Variants in TMEM184B observed in about 807,000 individuals in gnomAD.
TMEM184B encodes the protein putative MAPK-activating protein FM08.
TMEM184B carries 17 observed loss-of-function variants against 41.8 expected under a neutral mutation model. The observed-to-expected ratio is 0.41, with a 90% CI of 0.28 to 0.61. TMEM184B has a LOEUF of 0.61. TMEM184B is among the 20% of genes least tolerant of loss of function. The probability of loss-of-function intolerance (pLI) is 0.34; values close to 1 mark genes in which losing one functional copy is unlikely to be tolerated. For synonymous variants in TMEM184B, 240 were observed against 229.5 expected (o/e 1.05, Z -0.41); for missense variants, 393 against 557.8 (o/e 0.70, Z 2.98).
chr22:38,255,989 T>C (rs561151363), intron 1 of TMEM184B, among the ~76,000 whole-genome samples: 1 of 151,992 alleles, frequency 6.6e-6, no homozygotes, highest in African/African-American at 2.4e-5. Flanking sequence ...TGTGATAAAA[T>C]TGAAGAGAAC....
chr22:38,231,090 A>G (rs559335980), intron 4 of TMEM184B, among the ~76,000 whole-genome samples, 154 bp downstream of exon 4: 1 of 152,342 alleles, frequency 6.6e-6, no homozygotes, highest in African/African-American at 2.4e-5. Flanking sequence ...TAAAACGCCC[A>G]GAAGAATGGC....
chr22:38,231,768 G>A, intron 3 of TMEM184B: 1 of 354,250 alleles, frequency 2.8e-6, no homozygotes, highest in Non-Finnish European at 5.5e-6. Flanking sequence ...GCTGCGGCAG[G>A]AGGACGTCTT....
chr22:38,243,048 CA>C (rs11394732), intron 3 of TMEM184B, among the ~76,000 whole-genome samples: 124 of 84,512 alleles, frequency 1.5e-3, no homozygotes, highest in Middle Eastern at 5.7e-3. Context: ...GCAACGGTCT[CA>C]AAAAAAAAAA....
At position 38,221,239 on chromosome 22, in the gene TMEM184B, C is replaced by T; in HGVS notation, c.*230G>A. 7.2e-7 allele frequency: 1 copy of T among 1,396,130 alleles called. No homozygotes were observed. Among genetic ancestry groups the T allele is most frequent in the Non-Finnish European group, 9.3e-7 (1 of 1,078,882 alleles). 86.5% of individuals were successfully genotyped at this position (1,396,130 alleles called of 1,614,324 possible). ...AAGCCTTGCTCCCAGTGTCCTCTGC[C>T]CTCGCCCGGGCAGTGCAGGCTGGGC... On this transcript the variant is annotated 3_prime_UTR_variant, in exon 9 of 9. Coordinates refer to ENST00000361906, the MANE Select transcript of TMEM184B (RefSeq NM_012264.5).
rs191152078 is a variant in TMEM184B, at chr22:38,225,229, G to A, written c.787+195C>T. ...TCCTGGGCCCTCTCATCCATGTAGC[G>A]GCCCCACCAAAGCTCTCCCTAGCCC... On this transcript the variant is annotated intron_variant, in intron 7 of 8. Transcript: ENST00000361906. This position sits in a 1 kb window ranked among gnomAD's most constrained non-coding sequence, Gnocchi z 4.4. Among the ~76,000 whole-genome samples, 14 of 152,212 alleles carry A rather than the reference G, an allele frequency of 9.2e-5. No homozygotes were observed. Among genetic ancestry groups the A allele is most frequent in the South Asian group, 2.1e-4 (1 of 4,822 alleles).
At chr22:38,234,189 T>C (rs1016523760) in intron 3 of TMEM184B, among the ~76,000 whole-genome samples, 17 of 152,278 alleles carry the variant, frequency 1.1e-4, no homozygotes, top group Non-Finnish European at 2.2e-4. Flanking sequence ...AAAGTGATGT[T>C]TTGTGACATC....
Position 38,220,934 on chromosome 22 carries a change from G to C in TMEM184B, c.*535C>G, listed in dbSNP as rs1254861378. 4.4e-5 allele frequency: 43 copies of C among 988,000 alleles called. No individual in the cohort carries two copies. The highest frequency in any genetic ancestry group is 5.1e-5 in the Non-Finnish European group (42 of 831,546). 61.2% of individuals were successfully genotyped at this position (988,000 alleles called of 1,614,324 possible). On this transcript the variant is annotated 3_prime_UTR_variant, in exon 9 of 9. Coordinates refer to ENST00000361906, the MANE Select transcript of TMEM184B (RefSeq NM_012264.5). Reference sequence around the variant, plus strand: ...CATGCCACAGAGGCCTGGGTCAGGAGGGGAGGACCACAGAGCGCCCACATC... The same window carrying C: ...CATGCCACAGAGGCCTGGGTCAGGACGGGAGGACCACAGAGCGCCCACATC...
chr22:38,219,260 G>A, downstream of TMEM184B: 9 of 985,500 alleles, frequency 9.1e-6, no homozygotes, highest in Non-Finnish European at 1.1e-5. Context: ...AGGGGGCAGG[G>A]AGGAGGAAGG....
intron 1 of TMEM184B, among the ~76,000 whole-genome samples, chr22:38,264,736 C>A (rs907341591): frequency 1.3e-5 from 2 of 152,156 alleles, no homozygotes; most frequent in Admixed American, 6.5e-5. Flanking sequence ...GGCCTTTCTC[C>A]CACTTCCACA....
intron 1 of TMEM184B, among the ~76,000 whole-genome samples, chr22:38,264,281 C>T (rs2145776540): frequency 6.6e-6 from 1 of 152,322 alleles, no homozygotes; most frequent in African/African-American, 2.4e-5. Flanking sequence ...CACTTGGCCC[C>T]TTGACCCTTC....
chr22:38,227,720 C>T (rs575311112), intron 5 of TMEM184B, among the ~76,000 whole-genome samples: 9 of 152,232 alleles, frequency 5.9e-5, no homozygotes, highest in African/African-American at 1.9e-4. Context: ...TGTAGTCACT[C>T]CCCACACCAC....
chr22:38,260,537 C>T (rs976996991), intron 1 of TMEM184B, among the ~76,000 whole-genome samples: 4 of 152,198 alleles, frequency 2.6e-5, no homozygotes, highest in Admixed American at 2.0e-4. Context: ...ACCACCTAGA[C>T]CTGACCTCCA....
At chr22:38,242,391 T>C (rs1008087347) in intron 3 of TMEM184B, among the ~76,000 whole-genome samples, 6 of 151,778 alleles carry the variant, frequency 4.0e-5, no homozygotes, top group African/African-American at 1.5e-4. Flanking sequence ...GGCAGGAGAA[T>C]TGCTTGAACC....
chr22:38,241,414 G>A (rs2091903160), intron 3 of TMEM184B, among the ~76,000 whole-genome samples: 1 of 151,984 alleles, frequency 6.6e-6, no homozygotes, highest in Non-Finnish European at 1.5e-5. Flanking sequence ...TGCATTGGAT[G>A]CAGTGGCTCA....
intron 1 of TMEM184B, among the ~76,000 whole-genome samples, chr22:38,260,406 G>C (rs2092353235): frequency 1.3e-5 from 2 of 152,134 alleles, no homozygotes; most frequent in Non-Finnish European, 2.9e-5. Context: ...GCAGCAGCAA[G>C]CAGCTTGCAG....
intron 3 of TMEM184B, among the ~76,000 whole-genome samples, chr22:38,240,154 A>T (rs2091871604): frequency 6.6e-6 from 1 of 152,118 alleles, no homozygotes; most frequent in African/African-American, 2.4e-5. Flanking sequence ...AGCGCTTCTA[A>T]CAAGAAGGTC....
In TMEM184B at chr22:38,226,076, CTTTTTTT is replaced by C. The variant is rs35956053; in HGVS notation, c.618-490_618-484del. ...AAGCACAGGGCTAGACACATGGTCA[CTTTTTTT>C]TTTTTTTTTTTTAGATATGGAGTTT... On this transcript the variant is annotated intron_variant, in intron 6 of 8. Transcript: ENST00000361906. This position sits in a 1 kb window ranked among gnomAD's most constrained non-coding sequence, Gnocchi z 4.6. Among the ~76,000 whole-genome samples, 2 of 134,268 alleles carry C rather than the reference CTTTTTTT, an allele frequency of 1.5e-5. No individual in the cohort carries two copies. The highest frequency in any genetic ancestry group is 3.2e-5 in the Non-Finnish European group (2 of 61,980). The allele number at this position is 134,268 out of a possible 152,430, so 88.1% of individuals were successfully genotyped here.
At position 38,235,449 on chromosome 22, in the gene TMEM184B, G is replaced by A. The variant is rs568244015; in HGVS notation, c.359-4115C>T. Among the ~76,000 whole-genome samples the A allele has an allele frequency of 1.3e-4, 20 of 152,276 alleles. No individual in the cohort carries two copies. In the East Asian group the frequency reaches 1.5e-3, roughly 12 times the overall value. On this transcript the variant is annotated intron_variant, in intron 3 of 8. Transcript: ENST00000361906. ...CAGCACACTTTTGAATTACGTGGCC[G>A]AGGTCCCTCCGTAACCGGCTCTGCA...
intron 1 of TMEM184B, among the ~76,000 whole-genome samples, chr22:38,263,036 G>T (rs1017625942): frequency 9.2e-5 from 14 of 152,224 alleles, no homozygotes; most frequent in African/African-American, 3.4e-4. Context: ...TAGAGCAGCT[G>T]GGATTACAGG....
Sources: gnomAD v4.1 joint callset for allele counts (sites outside exome capture counted in the v4.1 genomes callset) on GRCh38, gnomAD v4.1.1 for gene constraint, Gnocchi (gnomAD v3.1) non-coding constraint, MANE v1.5 for transcripts, NCBI Gene and HGNC (gene_info 2026-07-23, HGNC 2026-07-21) for gene names.